RAB27A: variants seen among roughly 807,000 people sequenced by gnomAD.
RAB27A encodes the protein ras-related protein Rab-27A.
Under a neutral mutation model 20.8 loss-of-function variants are expected in RAB27A, and 17 were observed. The observed-to-expected ratio is 0.82, with a 90% CI of 0.56 to 1.23. RAB27A has a LOEUF of 1.23. Ranked by LOEUF, RAB27A falls within the 50% of genes most tolerant of loss-of-function variation. The pLI is 0.00. For missense variants in RAB27A, 277 were observed against 266.7 expected, an observed-to-expected ratio of 1.04 and a Z score of -0.27; for synonymous variants, 85 against 92.8, an observed-to-expected ratio of 0.92 and a Z score of 0.48.
intron 1 of RAB27A, among the ~76,000 whole-genome samples, chr15:55,282,739 C>A (rs1458641176): frequency 6.6e-6 from 1 of 152,094 alleles, no homozygotes; most frequent in Non-Finnish European, 1.5e-5. Context: ...ACACAATAGA[C>A]AGGCACTGAA....
At chr15:55,256,800 A>G (rs1022608248) in intron 2 of RAB27A, among the ~76,000 whole-genome samples, 1 of 152,190 alleles carries the variant, frequency 6.6e-6, no homozygotes, top group Non-Finnish European at 1.5e-5. Context: ...TTTATCAAAT[A>G]TGAAATAAGA....
intron 3 of RAB27A, among the ~76,000 whole-genome samples, chr15:55,233,214 C>T (rs12442775): frequency 0.18 from 27,604 of 151,952 alleles, 3,894 homozygotes; most frequent in African/African-American, 0.38. Flanking sequence ...AGATGTCATT[C>T]GTATAGCAAT....
chr15:55,297,142 A>T (rs553696987), intron 2 of RAB27A, among the ~76,000 whole-genome samples: 1 of 152,210 alleles, frequency 6.6e-6, no homozygotes, highest in African/African-American at 2.4e-5. Context: ...TTGGTACCAG[A>T]GGCTCAAAGC....
chr15:55,313,806 T>C (rs1309606148), intron 2 of RAB27A, among the ~76,000 whole-genome samples: 1 of 152,046 alleles, frequency 6.6e-6, no homozygotes, highest in Non-Finnish European at 1.5e-5. Context: ...GCCCTGTCTC[T>C]ACTAAAAATA....
At chr15:55,313,830 G>A (rs562954206) in intron 2 of RAB27A, among the ~76,000 whole-genome samples, 18 of 152,200 alleles carry the variant, frequency 1.2e-4, no homozygotes, top group African/African-American at 3.9e-4. Flanking sequence ...AAACTTAGCC[G>A]GGAGTGGTGG....
chr15:55,271,150 A>G (rs1897694130), intron 1 of RAB27A, among the ~76,000 whole-genome samples: 1 of 152,130 alleles, frequency 6.6e-6, no homozygotes, highest in Non-Finnish European at 1.5e-5. Flanking sequence ...ATCTTTCCAA[A>G]AGGCAAATGA....
At chr15:55,252,022 G>A (rs1462911537) in intron 2 of RAB27A, among the ~76,000 whole-genome samples, 2 of 152,096 alleles carry the variant, frequency 1.3e-5, no homozygotes, top group Non-Finnish European at 2.9e-5. Flanking sequence ...AGTACAAAGG[G>A]AGTTTTCAGA....
At chr15:55,248,430 A>T (rs1352976926) in intron 2 of RAB27A, among the ~76,000 whole-genome samples, 1 of 152,212 alleles carries the variant, frequency 6.6e-6, no homozygotes, top group Non-Finnish European at 1.5e-5. Context: ...TAACACACTG[A>T]GTTGCTATAT....
intron 6 of RAB27A, among the ~76,000 whole-genome samples, chr15:55,215,333 T>C (rs1203389764): frequency 2.6e-5 from 4 of 152,136 alleles, no homozygotes; most frequent in Admixed American, 1.3e-4. Flanking sequence ...TGCATGGAAG[T>C]TATCAACAAC....
intron 2 of RAB27A, among the ~76,000 whole-genome samples, chr15:55,304,152 T>G (rs919522804): frequency 1.5e-4 from 23 of 152,182 alleles, no homozygotes; most frequent in African/African-American, 4.6e-4. Context: ...CCTGTTGATC[T>G]GTGACCTTAC....
chr15:55,292,756 C>G (rs1055659116), upstream of RAB27A, among the ~76,000 whole-genome samples: 4 of 152,208 alleles, frequency 2.6e-5, no homozygotes, highest in Non-Finnish European at 5.9e-5. Flanking sequence ...TGTAGTCAAA[C>G]AGGCCTATCT....
intron 2 of RAB27A, among the ~76,000 whole-genome samples, chr15:55,297,843 T>TA (rs2054955820): frequency 1.3e-5 from 2 of 152,044 alleles, no homozygotes; most frequent in Admixed American, 1.3e-4. Context: ...TATGAAATAA[T>TA]AAAAAACCAT....
chr15:55,285,681 C>A lies in RAB27A; in HGVS notation c.-143+4035G>T, dbSNP rs187735288. On this transcript the variant is annotated intron_variant, in intron 1 of 6. Coordinates refer to ENST00000336787, the MANE Select transcript of RAB27A (RefSeq NM_183235.3). Reference sequence around the variant, plus strand: ...GGCTATAGAAGGGAAAAATTACTCTCTTCAAGAACCAATCTTGTTTTAGCG... The same window carrying A: ...GGCTATAGAAGGGAAAAATTACTCTATTCAAGAACCAATCTTGTTTTAGCG... Among the ~76,000 whole-genome samples the A allele has an allele frequency of 2.6e-4, 39 of 152,330 alleles. 1 individual carries two copies. Among genetic ancestry groups the A allele is most frequent in the Admixed American group, 2.5e-3 (38 of 15,298 alleles).
At chr15:55,246,591 C>T (rs1315731200) in intron 2 of RAB27A, among the ~76,000 whole-genome samples, 1 of 151,288 alleles carries the variant, frequency 6.6e-6, no homozygotes, top group Non-Finnish European at 1.5e-5. Context: ...GTACCCCTTG[C>T]TCCATAGATA....
chr15:55,296,033 A>G (rs1426265242), intron 2 of RAB27A, among the ~76,000 whole-genome samples: 1 of 150,914 alleles, frequency 6.6e-6, no homozygotes, highest in East Asian at 2.0e-4. Flanking sequence ...AGTAGCTGGG[A>G]CCACAGGCAC....
intron 2 of RAB27A, among the ~76,000 whole-genome samples, chr15:55,262,129 A>T (rs17819054): frequency 0.08 from 12,160 of 152,162 alleles, 763 homozygotes; most frequent in Admixed American, 0.18. Flanking sequence ...CACTACTGTG[A>T]TAACTTTTAA....
chr15:55,277,815 A>G (rs1370091621), intron 1 of RAB27A, among the ~76,000 whole-genome samples: 1 of 152,208 alleles, frequency 6.6e-6, no homozygotes, highest in African/African-American at 2.4e-5. Context: ...GCTGGGTGAC[A>G]CTCAGTGGGA....
intron 6 of RAB27A, among the ~76,000 whole-genome samples, chr15:55,218,954 C>G (rs1895439729): frequency 6.6e-6 from 1 of 152,062 alleles, no homozygotes; most frequent in African/African-American, 2.4e-5. Flanking sequence ...GTTGGCCAGG[C>G]TGGTCTCGAA....
In RAB27A at chr15:55,265,111, G is replaced by A. The variant is rs189232958; in HGVS notation, c.-23+5054C>T. ...TACAAAATTAGCCGGGCGTGGCGGC[G>A]CATGCCTGTAATCCCAGCTACTTGG... On this transcript the variant is annotated intron_variant, in intron 2 of 6. Coordinates refer to ENST00000336787, the MANE Select transcript of RAB27A (RefSeq NM_183235.3). Among the ~76,000 whole-genome samples, 60 of 152,194 alleles carry A rather than the reference G, an allele frequency of 3.9e-4. 1 individual carries two copies. Among genetic ancestry groups the A allele is most frequent in the African/African-American group, 1.2e-3 (48 of 41,540 alleles).
Sources: allele counts gnomAD v4.1 joint callset (sites outside exome capture counted in the v4.1 genomes callset), GRCh38; gene constraint gnomAD v4.1.1; transcripts MANE v1.5; gene names NCBI Gene and HGNC (gene_info 2026-07-23, HGNC 2026-07-21).